NAV3: variants seen among roughly 807,000 people sequenced by gnomAD.
The protein encoded by NAV3 is neuron navigator 3, also known as pore membrane and/or filament interacting like protein 1.
NAV3 carries 87 observed loss-of-function variants against 244.7 expected under a neutral mutation model. The observed-to-expected ratio is 0.36, with a 90% CI of 0.30 to 0.42. NAV3 has a LOEUF of 0.42. Ranked by LOEUF, NAV3 falls within the 20% of genes least tolerant of loss-of-function variation. NAV3 has a pLI of 1.00. For synonymous variants in NAV3, 1,126 were observed against 1,042.2 expected (o/e 1.08, Z -1.55); for missense variants, 2,663 against 2,893.3 (o/e 0.92, Z 1.83).
At chr12:77,865,702 A>G (rs1879899983) in intron 1 of NAV3, among the ~76,000 whole-genome samples, 2 of 152,022 alleles carry the variant, frequency 1.3e-5, no homozygotes, top group African/African-American at 2.4e-5. Flanking sequence ...ATAACTCCCT[A>G]TAATATAAAA....
chr12:78,138,952 T>A (rs555977426), intron 19 of NAV3, among the ~76,000 whole-genome samples: 1 of 152,236 alleles, frequency 6.6e-6, no homozygotes, highest in Admixed American at 6.5e-5. Flanking sequence ...ATGCTCACAC[T>A]GACAGATGAA....
chr12:77,785,322 T>C (rs1393327939), intron 2 of NAV3, among the ~76,000 whole-genome samples: 1 of 152,126 alleles, frequency 6.6e-6, no homozygotes, highest in African/African-American at 2.4e-5. Context: ...GTAATAAAGA[T>C]ATTACCCCTT....
intron 7 of NAV3, among the ~76,000 whole-genome samples, chr12:78,001,779 T>C (rs1873352142): frequency 6.6e-6 from 1 of 152,238 alleles, no homozygotes; most frequent in Non-Finnish European, 1.5e-5. Context: ...TGCACTGCCA[T>C]CTGAACATTA....
At chr12:77,674,683 C>G (rs1184326259) in intron 2 of NAV3, among the ~76,000 whole-genome samples, 1 of 152,182 alleles carries the variant, frequency 6.6e-6, no homozygotes, top group Non-Finnish European at 1.5e-5. Context: ...GCCACCATGC[C>G]CAGTCTATAC....
chr12:77,586,795 G>A (rs1159926224), intron 2 of NAV3, among the ~76,000 whole-genome samples: 1 of 152,120 alleles, frequency 6.6e-6, no homozygotes, highest in Non-Finnish European at 1.5e-5. Flanking sequence ...CATCATATGT[G>A]ACTAGTGGCT....
At chr12:77,656,441 C>G (rs1258528805) in intron 2 of NAV3, among the ~76,000 whole-genome samples, 2 of 121,440 alleles carry the variant, frequency 1.6e-5, no homozygotes, top group African/African-American at 7.4e-5. Context: ...AATACAGGAG[C>G]ACCCAGATTC....
intron 1 of NAV3, among the ~76,000 whole-genome samples, chr12:77,849,845 T>G (rs971414002): frequency 6.6e-6 from 1 of 152,150 alleles, no homozygotes; most frequent in African/African-American, 2.4e-5. Context: ...TGGTCACGTG[T>G]GTCTCCAAAC....
At chr12:78,187,665 T>G (rs938641339) in intron 31 of NAV3, among the ~76,000 whole-genome samples, 2 of 151,904 alleles carry the variant, frequency 1.3e-5, no homozygotes, top group South Asian at 4.1e-4. Flanking sequence ...AATAGAGAAT[T>G]TCTGATAAAT....
intron 1 of NAV3, among the ~76,000 whole-genome samples, chr12:77,833,698 C>A (rs1333661356): frequency 6.6e-6 from 1 of 152,212 alleles, no homozygotes; most frequent in African/African-American, 2.4e-5. Context: ...TCTGGGTTCT[C>A]GCCTTGGTTC....
At chr12:78,107,632 A>ATAC (rs1954871309) in intron 12 of NAV3, among the ~76,000 whole-genome samples, 1 of 152,118 alleles carries the variant, frequency 6.6e-6, no homozygotes, top group African/African-American at 2.4e-5. Context: ...TCAGCCTTAA[A>ATAC]TACTATAGCC....
intron 2 of NAV3, among the ~76,000 whole-genome samples, chr12:77,652,809 G>T (rs1485696397): frequency 6.6e-6 from 1 of 152,202 alleles, no homozygotes; most frequent in Non-Finnish European, 1.5e-5. Flanking sequence ...TGGAAAAATA[G>T]TAGAGCCCAT....
intron 12 of NAV3, among the ~76,000 whole-genome samples, chr12:78,060,148 A>G (rs748351120): frequency 7.2e-5 from 11 of 152,138 alleles, no homozygotes; most frequent in Non-Finnish European, 1.3e-4. Flanking sequence ...TTGAGCAGGA[A>G]GGGATTGCAT....
intron 1 of NAV3, among the ~76,000 whole-genome samples, chr12:77,914,589 G>C (rs531299765): frequency 3.9e-5 from 6 of 152,202 alleles, no homozygotes; most frequent in Non-Finnish European, 8.8e-5. Context: ...CAAAGGGTTT[G>C]CTAGTGCTCT....
intron 5 of NAV3, among the ~76,000 whole-genome samples, chr12:77,977,689 T>TACACACAC (rs35073855): frequency 1.2e-4 from 17 of 141,940 alleles, no homozygotes; most frequent in African/African-American, 2.4e-4. Flanking sequence ...GATATATATA[T>TACACACAC]ACACACACAC....
At chr12:77,606,864 C>G (rs1870692928) in intron 2 of NAV3, among the ~76,000 whole-genome samples, 1 of 152,078 alleles carries the variant, frequency 6.6e-6, no homozygotes, top group Non-Finnish European at 1.5e-5. Context: ...TCTTGAAACC[C>G]ACTTCGATTG....
At chr12:78,096,562 G>A (rs577447751) in intron 12 of NAV3, among the ~76,000 whole-genome samples, 35 of 152,242 alleles carry the variant, frequency 2.3e-4, no homozygotes, top group African/African-American at 7.7e-4. Flanking sequence ...CTAATAAGGA[G>A]CAAAGTCACA....
intron 17 of NAV3, among the ~76,000 whole-genome samples, chr12:78,127,764 C>T (rs1397701291): frequency 2.0e-5 from 3 of 152,042 alleles, no homozygotes; most frequent in Non-Finnish European, 4.4e-5. Context: ...TTATAGAATC[C>T]TTTTGATAAA....
rs2136598982 is a variant in NAV3 at position 78,007,355 on chromosome 12, G to C, written c.1817G>C (p.Gly606Ala). 6.2e-7 allele frequency: 1 copy of C among 1,614,124 alleles called. No homozygotes were observed. The highest frequency in any genetic ancestry group is 1.1e-5 in the South Asian group (1 of 91,084). The part of the protein sequence containing the change: ...SCTMTVAQSS[G>A]QSTGNGAVQL... The stretch of plus-strand genomic sequence containing the variant: ...ACCATGACAGTGGCACAAAGCAGTG[G>C]GCAGAGCACAGGAAATGGTGCTGTC... Residue 606 changes from glycine (G) to alanine (A), a missense_variant, in exon 8 of 40, where the codon GGG becomes GCG. By Grantham distance (60) the Gly-to-Ala change is moderately conservative (BLOSUM62 0). Transcript: ENST00000397909.
intron 38 of NAV3, among the ~76,000 whole-genome samples, chr12:78,201,393 C>T (rs1417721147): frequency 3.9e-5 from 6 of 151,930 alleles, no homozygotes. Context: ...ATGTCACTTG[C>T]AGGATCCTTT....
Sources: gnomAD v4.1 joint callset for allele counts (sites outside exome capture counted in the v4.1 genomes callset) on GRCh38, gnomAD v4.1.1 for gene constraint, MANE v1.5 for transcripts, NCBI Gene and HGNC (gene_info 2026-07-23, HGNC 2026-07-21) for gene names.